WDR75: variants seen among roughly 807,000 people sequenced by gnomAD.
The protein encoded by WDR75 is WD repeat-containing protein 75.
A neutral mutation model predicts 106.1 loss-of-function variants in WDR75; 52 were observed. That is an observed-to-expected ratio of 0.49 (90% CI 0.39 to 0.62). The LOEUF (loss-of-function observed/expected upper bound fraction) is 0.62. WDR75 is among the 20% of genes least tolerant of loss of function. The pLI is 0.00. For synonymous variants in WDR75, 333 were observed against 335.5 expected, an observed-to-expected ratio of 0.99 and a Z score of 0.08; for missense variants, 905 against 970.3, an observed-to-expected ratio of 0.93 and a Z score of 0.89.
At chr2:189,445,619 C>T (rs920619917) in intron 1 of WDR75, among the ~76,000 whole-genome samples, 3 of 152,082 alleles carry the variant, frequency 2.0e-5, no homozygotes, top group African/African-American at 7.2e-5. Flanking sequence ...ATAAAAAAGA[C>T]ATTAATGGAA....
chr2:189,453,915 A>C (rs1686679095), intron 4 of WDR75, among the ~76,000 whole-genome samples: 1 of 152,204 alleles, frequency 6.6e-6, no homozygotes, highest in Non-Finnish European at 1.5e-5. Context: ...TTAGCCTTTC[A>C]TTTACGTGTT....
Position 189,465,249 on chromosome 2 carries a change from A to G in WDR75, c.1284A>G (p.Thr428=). The change falls in exon 12 of 21, where the codon ACA becomes ACG. Residue 428 remains threonine (T), a synonymous_variant. Transcript: ENST00000314761. ...AACTGTGGATGTATAATAAGAAAAC[A>G]CAAGGGTAATACTATCTGTGTAGCC... ...QMKLWMYNKK[T]QGFILNTKIN... is the part of the protein sequence containing the mutation. 4.3e-6 allele frequency: 7 copies of G among 1,611,616 alleles called. No homozygotes were observed. The highest frequency in any genetic ancestry group is 5.9e-6 in the Non-Finnish European group (7 of 1,178,630).
chr2:189,462,947 G>A (rs1019477469), intron 9 of WDR75, among the ~76,000 whole-genome samples: 20 of 152,170 alleles, frequency 1.3e-4, no homozygotes, highest in African/African-American at 1.7e-4. Flanking sequence ...GGAAGGTTTG[G>A]AAGTGGACAT....
chr2:189,467,377 A>T, intron 13 of WDR75, 91 bp from the exon 14 acceptor site: 1 of 1,354,848 alleles, frequency 7.4e-7, no homozygotes, highest in Non-Finnish European at 1.0e-6. Context: ...ACAGAAAGTG[A>T]ACCCTCAGAT....
chr2:189,458,296 G>T (rs573671661), intron 6 of WDR75, among the ~76,000 whole-genome samples: 3 of 152,246 alleles, frequency 2.0e-5, no homozygotes, highest in African/African-American at 7.2e-5. Flanking sequence ...TTCAGCCAAA[G>T]AATAGGAAAT....
intron 1 of WDR75, among the ~76,000 whole-genome samples, chr2:189,443,433 C>T (rs752311145): frequency 2.0e-5 from 3 of 152,178 alleles, no homozygotes; most frequent in Non-Finnish European, 4.4e-5. Context: ...AGGACACGTG[C>T]AGCCAGTTGT....
chr2:189,470,905 T>G, intron 18 of WDR75, 27 bp downstream of exon 18: 2 of 1,549,776 alleles, frequency 1.3e-6, no homozygotes, highest in South Asian at 2.4e-5. Context: ...CATAGCAGGA[T>G]GTATTGCCTC....
chr2:189,444,116 A>G (rs1686444899), intron 1 of WDR75, among the ~76,000 whole-genome samples: 1 of 152,074 alleles, frequency 6.6e-6, no homozygotes, highest in Non-Finnish European at 1.5e-5. Context: ...TGTCATCTAT[A>G]TATAAGCTAA....
chr2:189,457,531 C>T lies in WDR75; in HGVS notation c.569+150C>T, dbSNP rs139475931. The T allele has an allele frequency of 2.8e-3, 1,644 of 595,074 alleles. 5 individuals carry two copies. The highest frequency in any genetic ancestry group is 3.8e-3 in the Non-Finnish European group (1,301 of 338,734). The allele number at this position is 595,074 out of a possible 1,614,324, so 36.9% of individuals were successfully genotyped here. A position where few individuals can be genotyped will look rare whatever the true frequency, so the allele number is the denominator to read the frequency against. On this transcript the variant is annotated intron_variant, in intron 6 of 20. Coordinates refer to ENST00000314761, the MANE Select transcript of WDR75 (RefSeq NM_032168.3). ...GAAGTATGGAGGTACAGTTTTTAAC[C>T]ATACCGTATAGTTTTTAAGCATACT...
intron 1 of WDR75, among the ~76,000 whole-genome samples, chr2:189,443,315 G>T (rs1686426539): frequency 6.6e-6 from 1 of 152,172 alleles, no homozygotes; most frequent in Non-Finnish European, 1.5e-5. Flanking sequence ...CAGGTGGGGA[G>T]GACAGTGTAA....
chr2:189,441,718 A>AT (rs1686370273), intron 1 of WDR75, 140 bp downstream of exon 1: 2 of 948,382 alleles, frequency 2.1e-6, no homozygotes, highest in Non-Finnish European at 3.2e-6. Context: ...CCTGTGGGGG[A>AT]TCCCCAGGGT....
chr2:189,445,743 G>C (rs1686485550), intron 1 of WDR75, among the ~76,000 whole-genome samples: 1 of 152,180 alleles, frequency 6.6e-6, no homozygotes, highest in African/African-American at 2.4e-5. Flanking sequence ...GTGGAAGCTA[G>C]GTGAAGCGTA....
chr2:189,474,651 T>G (rs1687176981), intron 19 of WDR75, 66 bp from the exon 20 acceptor site: 1 of 1,378,204 alleles, frequency 7.3e-7, no homozygotes, highest in Non-Finnish European at 1.0e-6. Flanking sequence ...GTGAGGACAC[T>G]GTAGGAACAG....
chr2:189,475,234 T>C lies in WDR75; in HGVS notation c.2310T>C (p.Asp770=), dbSNP rs1462029638. 1 of 1,610,770 alleles carries C rather than the reference T, an allele frequency of 6.2e-7. No individual in the cohort carries two copies. Among genetic ancestry groups the C allele is most frequent in the African/African-American group, 1.3e-5 (1 of 74,754 alleles). The change falls in exon 21 of 21, where the codon GAT becomes GAC. Residue 770 remains aspartate (D), a synonymous_variant. Transcript: ENST00000314761. Reference sequence around the variant, plus strand: ...AAAGTGCTAAGGAAATTCCTGAAGATGTAGATATGGAAGAAGAAAAAGAAA... The same window carrying C: ...AAAGTGCTAAGGAAATTCCTGAAGACGTAGATATGGAAGAAGAAAAAGAAA... ...ETKSAKEIPE[D]VDMEEEKESE...
In WDR75 at chr2:189,466,499, A is replaced by G; in HGVS notation, c.1364A>G (p.Lys455Arg). Residue 455 changes from lysine to arginine, a missense_variant, in exon 13 of 21, where the codon AAA (lysine) becomes AGA (arginine). Coordinates refer to ENST00000314761, the MANE Select transcript of WDR75 (RefSeq NM_032168.3). ...ITALCFCNAE[K>R]SEQPTLVTAS... is the part of the protein sequence containing the mutation. ...GCTCTCTGTTTCTGTAATGCAGAAA[A>G]ATCTGAACAGCCCACCTTGGTTACA... 6.2e-7 allele frequency: 1 copy of G among 1,613,440 alleles called. No individual in the cohort carries two copies. The highest frequency in any genetic ancestry group is 8.5e-7 in the Non-Finnish European group (1 of 1,179,488).
chr2:189,449,537 C>A, intron 2 of WDR75: 4 of 1,076,540 alleles, frequency 3.7e-6, no homozygotes, highest in South Asian at 5.3e-5. Context: ...AGTTTTATAG[C>A]CAAAAAAACG....
chr2:189,474,260 A>AAAACT lies in WDR75; in HGVS notation c.2129_2133dup (p.Glu712Ter). The AAAACT allele has an allele frequency of 6.2e-7, 1 of 1,614,018 alleles. No individual in the cohort carries two copies. Among genetic ancestry groups the AAAACT allele is most frequent in the Non-Finnish European group, 8.5e-7 (1 of 1,179,912 alleles). ...GAAAACACAGGCAACAGCAGGATGAAAAACTAAACGAAACTTTAGAGAATG... is the reference window on the plus strand; with the variant it reads ...GAAAACACAGGCAACAGCAGGATGAAAAACTAAACTAAACGAAACTTTAGAGAATG... On this transcript the variant is annotated frameshift_variant, in exon 19 of 21. Transcript: ENST00000314761. LOFTEE classifies it high-confidence loss of function.
At chr2:189,450,681 C>T in intron 2 of WDR75, 1 of 1,340,062 alleles carries the variant, frequency 7.5e-7, no homozygotes, top group Non-Finnish European at 9.5e-7. Context: ...GGCTTTTTTC[C>T]TCTCTCTTTT....
At position 189,462,519 on chromosome 2, in the gene WDR75, C is replaced by G; in HGVS notation, c.814C>G (p.Leu272Val). The G allele has an allele frequency of 6.2e-7, 1 of 1,614,008 alleles. No individual in the cohort carries two copies. The highest frequency in any genetic ancestry group is 8.5e-7 in the Non-Finnish European group (1 of 1,179,950). ...GCTGAGTGGCGGTCGTGAATCTGTA[C>G]TTGTAGAGTGGCGCGATGCAACAGA... ...SLLSGGRESV[L>V]VEWRDATEKN... is the part of the protein sequence containing the mutation. The change falls in exon 9 of 21, where the codon CTT becomes GTT. Residue 272 changes from leucine to valine, a missense_variant. Transcript: ENST00000314761.
Sources: gnomAD v4.1 joint callset for allele counts (sites outside exome capture counted in the v4.1 genomes callset) on GRCh38, gnomAD v4.1.1 for gene constraint, MANE v1.5 for transcripts, NCBI Gene and HGNC (gene_info 2026-07-23, HGNC 2026-07-21) for gene names.